Variants in LRRC4C observed in about 807,000 individuals in gnomAD.
LRRC4C encodes the protein leucine rich repeat containing 4C.
A neutral mutation model predicts 33.6 loss-of-function variants in LRRC4C; 5 were observed. The ratio of observed to expected loss-of-function variants is 0.15; its 90% CI spans 0.08 to 0.31. The LOEUF is 0.31. Among genes scored for constraint, LRRC4C ranks in the 10% least tolerant of loss-of-function variants. The pLI, the probability that LRRC4C is intolerant of heterozygous loss-of-function variation, is 1.00. For missense variants in LRRC4C, 560 were observed against 796.7 expected, an observed-to-expected ratio of 0.70 and a Z score of 3.58; for synonymous variants, 329 against 302.0, an observed-to-expected ratio of 1.09 and a Z score of -0.93.
chr11:40,426,053 A>C (rs1950702290), intron 3 of LRRC4C, among the ~76,000 whole-genome samples: 1 of 141,808 alleles, frequency 7.1e-6, no homozygotes, highest in Non-Finnish European at 1.5e-5. Flanking sequence ...TCGCTCTGTC[A>C]CCCAGACTGG....
intron 1 of LRRC4C, among the ~76,000 whole-genome samples, chr11:41,098,069 T>C (rs971962472): frequency 2.0e-5 from 3 of 152,134 alleles, no homozygotes; most frequent in Non-Finnish European, 4.4e-5. Flanking sequence ...AGAGAGACTC[T>C]GGAGGTGAAG....
intron 3 of LRRC4C, among the ~76,000 whole-genome samples, chr11:40,640,981 A>T (rs2201512): frequency 0.2 from 27,736 of 140,676 alleles, 3,079 homozygotes; most frequent in East Asian, 0.47. Context: ...GCGCCACTGC[A>T]CTCCAGCCCG....
At chr11:40,686,021 T>C (rs1196645962) in intron 2 of LRRC4C, among the ~76,000 whole-genome samples, 1 of 151,840 alleles carries the variant, frequency 6.6e-6, no homozygotes, top group Non-Finnish European at 1.5e-5. Context: ...TATCCCAAGA[T>C]AAACTACTTC....
intron 3 of LRRC4C, among the ~76,000 whole-genome samples, chr11:40,480,154 T>C (rs1445081747): frequency 6.6e-6 from 1 of 152,048 alleles, no homozygotes; most frequent in Non-Finnish European, 1.5e-5. Context: ...TCCTTAAAAG[T>C]GTTCATGTTT....
At chr11:40,584,739 C>T (rs973261343) in intron 3 of LRRC4C, among the ~76,000 whole-genome samples, 2 of 150,982 alleles carry the variant, frequency 1.3e-5, no homozygotes, top group Admixed American at 1.3e-4. Context: ...GAAGAACAGC[C>T]TGGCCAATAT....
intron 1 of LRRC4C, among the ~76,000 whole-genome samples, chr11:41,441,305 G>A (rs1343836953): frequency 6.6e-6 from 1 of 152,050 alleles, no homozygotes; most frequent in Non-Finnish European, 1.5e-5. Context: ...AGACAAAGGT[G>A]GAAGGTAGAG....
At chr11:41,185,214 G>C (rs1945640521) in intron 1 of LRRC4C, among the ~76,000 whole-genome samples, 1 of 152,066 alleles carries the variant, frequency 6.6e-6, no homozygotes, top group Non-Finnish European at 1.5e-5. Flanking sequence ...TAGTATCAAA[G>C]ATTATTCTAA....
intron 1 of LRRC4C, among the ~76,000 whole-genome samples, chr11:41,243,057 G>A (rs948907694): frequency 1.3e-5 from 2 of 152,084 alleles, no homozygotes; most frequent in South Asian, 2.1e-4. Flanking sequence ...GTTAAACTCC[G>A]AAGTGTCTTC....
At chr11:40,606,921 T>G (rs189301625) in intron 3 of LRRC4C, among the ~76,000 whole-genome samples, 161 of 152,304 alleles carry the variant, frequency 1.1e-3, no homozygotes, top group Non-Finnish European at 2.0e-3. Flanking sequence ...AACAAAAAGT[T>G]AATAGTCAAA....
intron 3 of LRRC4C, among the ~76,000 whole-genome samples, chr11:40,613,168 A>G (rs1961407512): frequency 6.6e-6 from 1 of 151,818 alleles, no homozygotes; most frequent in Non-Finnish European, 1.5e-5. Flanking sequence ...TGGCACATCA[A>G]TTGACTCTTT....
intron 2 of LRRC4C, among the ~76,000 whole-genome samples, chr11:40,679,267 T>A (rs2136318335): frequency 6.6e-6 from 1 of 151,670 alleles, no homozygotes; most frequent in South Asian, 2.1e-4. Context: ...AAAGGCACCT[T>A]TTTTTTTAAA....
intron 1 of LRRC4C, among the ~76,000 whole-genome samples, chr11:41,060,664 T>C (rs1355988134): frequency 6.6e-6 from 1 of 152,206 alleles, no homozygotes; most frequent in Non-Finnish European, 1.5e-5. Context: ...ATACTGGGGC[T>C]AGGGCTTCAA....
intron 1 of LRRC4C, among the ~76,000 whole-genome samples, chr11:40,964,358 G>T (rs140593044): frequency 3.2e-4 from 49 of 151,386 alleles, no homozygotes; most frequent in African/African-American, 1.2e-3. Flanking sequence ...TGCTTTAAGG[G>T]TAGTTTTTTT....
At chr11:40,735,325 C>A (rs1947803941) in intron 2 of LRRC4C, among the ~76,000 whole-genome samples, 1 of 150,452 alleles carries the variant, frequency 6.6e-6, no homozygotes, top group Non-Finnish European at 1.5e-5. Context: ...CCCCACCCCA[C>A]AACAGTCCCC....
chr11:40,275,828 A>G (rs1943061505), intron 4 of LRRC4C, among the ~76,000 whole-genome samples: 1 of 152,182 alleles, frequency 6.6e-6, no homozygotes, highest in Admixed American at 6.6e-5. Flanking sequence ...CATTCTTTCA[A>G]TCACAAAGCA....
At chr11:41,282,700 G>A (rs1310531986) in intron 1 of LRRC4C, among the ~76,000 whole-genome samples, 4 of 152,126 alleles carry the variant, frequency 2.6e-5, no homozygotes, top group Non-Finnish European at 5.9e-5. Flanking sequence ...AGAAGCTAAG[G>A]GAATGCATTT....
intron 3 of LRRC4C, among the ~76,000 whole-genome samples, chr11:40,488,644 C>T (rs1226509771): frequency 2.0e-5 from 3 of 152,040 alleles, no homozygotes; most frequent in African/African-American, 4.8e-5. Flanking sequence ...CTAGATCCTC[C>T]GTGTGTTGCC....
chr11:40,467,857 A>G (rs565797872), intron 3 of LRRC4C, among the ~76,000 whole-genome samples: 3 of 152,356 alleles, frequency 2.0e-5, no homozygotes, highest in South Asian at 4.1e-4. Context: ...CTCCTAGTAT[A>G]TCACACTTGA....
At chr11:41,091,871 A>C (rs1940444135) in intron 1 of LRRC4C, among the ~76,000 whole-genome samples, 1 of 152,174 alleles carries the variant, frequency 6.6e-6, no homozygotes, top group Admixed American at 6.6e-5. Flanking sequence ...GGATGAGCTT[A>C]GTAATGTATG....
Sources: allele counts gnomAD v4.1 joint callset (sites outside exome capture counted in the v4.1 genomes callset), GRCh38; gene constraint gnomAD v4.1.1; transcripts MANE v1.5; gene names NCBI Gene and HGNC (gene_info 2026-07-23, HGNC 2026-07-21).